Variants in IDH1 observed in about 807,000 individuals in gnomAD.
The protein encoded by IDH1 is isocitrate dehydrogenase (NADP(+)) 1.
A neutral mutation model predicts 46.1 loss-of-function variants in IDH1; 33 were observed. The observed-to-expected ratio is 0.72, with a 90% CI of 0.54 to 0.96. The LOEUF (loss-of-function observed/expected upper bound fraction) is 0.96. IDH1 is among the 40% of genes least tolerant of loss of function. The pLI is 0.00. For missense variants in IDH1, 421 were observed against 515.7 expected (o/e 0.82, Z 1.78); for synonymous variants, 144 against 172.8 (o/e 0.83, Z 1.31).
intron 6 of IDH1, among the ~76,000 whole-genome samples, chr2:208,242,769 CTT>C (rs1206390027): frequency 4.3e-5 from 6 of 139,640 alleles, no homozygotes; most frequent in Admixed American, 1.4e-4. Context: ...CTTTTCTTTT[CTT>C]TTTTTTTTTT....
Position 208,251,473 on chromosome 2 carries a change from T to G in IDH1, c.79A>C (p.Lys27Gln), listed in dbSNP as rs1173024019. Residue 27 changes from lysine (K) to glutamine (Q), a missense_variant, in exon 3 of 10, where the codon AAA (lysine) becomes CAA (glutamine). By Grantham distance (53) the Lys-to-Gln change is moderately conservative (BLOSUM62 1). Coordinates refer to ENST00000345146, the MANE Select transcript of IDH1 (RefSeq NM_005896.4). ...EMTRIIWELI[K>Q]EKLIFPYVEL... ...ACGTAGGGAAAAATGAGTTTCTCTTTAATCAATTCCCAAATGATTCGTGTC... is the reference window on the plus strand; with the variant it reads ...ACGTAGGGAAAAATGAGTTTCTCTTGAATCAATTCCCAAATGATTCGTGTC... The G allele has an allele frequency of 6.2e-7, 1 of 1,613,668 alleles. No homozygotes were observed.
At chr2:208,246,191 G>A (rs1298290626) in intron 4 of IDH1, among the ~76,000 whole-genome samples, 2 of 152,106 alleles carry the variant, frequency 1.3e-5, no homozygotes, top group East Asian at 1.9e-4. Context: ...TCAAGGACAG[G>A]CACCTCCCTC....
chr2:208,246,142 G>C (rs1055165565), intron 4 of IDH1, among the ~76,000 whole-genome samples: 1 of 152,162 alleles, frequency 6.6e-6, no homozygotes, highest in East Asian at 1.9e-4. Context: ...TCTGGGAGCA[G>C]CTACAATGGG....
intron 2 of IDH1, among the ~76,000 whole-genome samples, chr2:208,252,831 CT>C (rs1688149152): frequency 6.6e-6 from 1 of 152,172 alleles, no homozygotes; most frequent in Non-Finnish European, 1.5e-5. Context: ...TTCTAGAATT[CT>C]TCTTACTAGT....
intron 8 of IDH1, 30 bp from the exon 9 acceptor site, chr2:208,239,263 C>G (rs978852822): frequency 6.2e-7 from 1 of 1,611,004 alleles, no homozygotes; most frequent in Non-Finnish European, 8.5e-7. Context: ...ACACAACACT[C>G]CAATCATCCT....
In IDH1 at chr2:208,237,029, G is replaced by T; in HGVS notation, c.*50C>A. On this transcript the variant is annotated 3_prime_UTR_variant, in exon 10 of 10. Transcript: ENST00000345146. ...GTGTAACACAGAAAAATGTAAACCTGTAGACCTAGTTACCAAAAGACAATT... is the reference window on the plus strand; with the variant it reads ...GTGTAACACAGAAAAATGTAAACCTTTAGACCTAGTTACCAAAAGACAATT... 1.0e-6 allele frequency: 1 copy of T among 988,524 alleles called. No individual in the cohort carries two copies. The highest frequency in any genetic ancestry group is 1.6e-6 in the Non-Finnish European group (1 of 625,584). 61.2% of individuals were successfully genotyped at this position (988,524 alleles called of 1,614,324 possible).
chr2:208,245,203 C>T (rs111240462), intron 5 of IDH1, 116 bp downstream of exon 5: 4 of 686,990 alleles, frequency 5.8e-6, no homozygotes, highest in African/African-American at 1.8e-5. Flanking sequence ...TGCAAAAACA[C>T]TGTAGATTCA....
rs763282939 is a variant in IDH1 at position 208,245,273 on chromosome 2, T to A, written c.520+46A>T. The stretch of plus-strand genomic sequence containing the variant: ...AAAAGCAATAAAAATATTATCTAAA[T>A]CATTTGTTTAAAAAAAAAAGAAGCT... On this transcript the variant is annotated intron_variant, in intron 5 of 9. Transcript: ENST00000345146. 8.6e-6 allele frequency: 8 copies of A among 934,698 alleles called. No homozygotes were observed. The East Asian group carries it at 1.9e-4, about 22-fold the overall frequency. 57.9% of individuals were successfully genotyped at this position (934,698 alleles called of 1,614,324 possible).
In IDH1 at chr2:208,251,505, T is replaced by A. The variant is rs2124868285; in HGVS notation, c.47A>T (p.Asp16Val). 6.2e-7 allele frequency: 1 copy of A among 1,613,610 alleles called. No individual in the cohort carries two copies. Residue 16 changes from aspartate to valine, a missense_variant, in exon 3 of 10, where the codon GAT (aspartate) becomes GTT (valine). By Grantham distance (152) the Asp-to-Val change is radical. Coordinates refer to ENST00000345146, the MANE Select transcript of IDH1 (RefSeq NM_005896.4). The stretch of plus-strand genomic sequence containing the variant: ...TTCCCAAATGATTCGTGTCATTTCA[T>A]CTCCTTGCATCTCTACCACAGAACC... ...SGGSVVEMQG[D>V]EMTRIIWELI... is the part of the protein sequence containing the mutation.
At chr2:208,250,692 T>G (rs890516736) in intron 3 of IDH1, among the ~76,000 whole-genome samples, 5 of 152,144 alleles carry the variant, frequency 3.3e-5, no homozygotes, top group Non-Finnish European at 5.9e-5. Flanking sequence ...TACATAGACT[T>G]TTGCATCTGT....
chr2:208,253,755 G>A (rs181400216), intron 2 of IDH1, 131 bp downstream of exon 2: 1 of 152,252 alleles, frequency 6.6e-6, no homozygotes, highest in East Asian at 1.9e-4. Context: ...GGAAGCTGTT[G>A]GAATTCGTTG....
chr2:208,249,998 G>A (rs1688093271), intron 3 of IDH1, among the ~76,000 whole-genome samples: 1 of 152,122 alleles, frequency 6.6e-6, no homozygotes, highest in South Asian at 2.1e-4. Context: ...GGAACAAATT[G>A]CCCAGACCAC....
chr2:208,250,268 T>C (rs16840803), intron 3 of IDH1, among the ~76,000 whole-genome samples: 4,321 of 149,818 alleles, frequency 0.029, 190 homozygotes, highest in African/African-American at 0.099. Flanking sequence ...CCTACTGTCA[T>C]GTAAAGTCCT....
At chr2:208,254,015 T>C (rs367771598) in intron 1 of IDH1, 56 bp from the exon 2 acceptor site, 1 of 152,280 alleles carries the variant, frequency 6.6e-6, no homozygotes, top group South Asian at 2.1e-4. Context: ...CAGGAGAATT[T>C]AGCTGTTTTT....
At chr2:208,244,455 C>T (rs1687980436) in intron 5 of IDH1, among the ~76,000 whole-genome samples, 1 of 152,226 alleles carries the variant, frequency 6.6e-6, no homozygotes, top group Admixed American at 6.5e-5. Context: ...ATTTCAAATA[C>T]TGAATGAAAA....
At chr2:208,238,387 A>G (rs1166697903) in intron 9 of IDH1, among the ~76,000 whole-genome samples, 2 of 152,214 alleles carry the variant, frequency 1.3e-5, no homozygotes, top group Non-Finnish European at 2.9e-5. Context: ...GTGACCAAGT[A>G]TATCCCCATT....
chr2:208,240,675 T>C (rs1468990953), intron 7 of IDH1, among the ~76,000 whole-genome samples: 15 of 152,198 alleles, frequency 9.9e-5, no homozygotes, highest in Admixed American at 9.2e-4. Flanking sequence ...TGGTTTCTTA[T>C]TGAAAGAACC....
intron 8 of IDH1, among the ~76,000 whole-genome samples, chr2:208,239,493 C>T (rs1687877844): frequency 6.6e-6 from 1 of 152,226 alleles, no homozygotes; most frequent in African/African-American, 2.4e-5. Context: ...ACAATCTCTT[C>T]TATCTCTTGT....
At chr2:208,249,127 C>T (rs1688076933) in intron 3 of IDH1, among the ~76,000 whole-genome samples, 1 of 151,204 alleles carries the variant, frequency 6.6e-6, no homozygotes, top group Non-Finnish European at 1.5e-5. Flanking sequence ...AAAGATGTGA[C>T]AGTTGATGCC....
Sources: gnomAD v4.1 joint callset for allele counts (sites outside exome capture counted in the v4.1 genomes callset) on GRCh38, gnomAD v4.1.1 for gene constraint, MANE v1.5 for transcripts, NCBI Gene and HGNC (gene_info 2026-07-23, HGNC 2026-07-21) for gene names.